The following ZNRF1 variants were observed in gnomAD, a reference collection of about 807,000 sequenced individuals.
ZNRF1 encodes the protein zinc and ring finger 1.
A neutral mutation model predicts 18.4 loss-of-function variants in ZNRF1; 3 were observed. The observed-to-expected ratio is 0.16, with a 90% CI of 0.07 to 0.42. The LOEUF is 0.42. ZNRF1 is among the 10% of genes least tolerant of loss of function. The pLI is 0.99. For missense variants in ZNRF1, 310 were observed against 329.8 expected (o/e 0.94, Z 0.47); for synonymous variants, 157 against 144.2 (o/e 1.09, Z -0.64).
intron 3 of ZNRF1, chr16:75,105,754 T>G (rs1263018950): frequency 6.6e-6 from 1 of 152,218 alleles, no homozygotes; most frequent in African/African-American, 2.4e-5. Flanking sequence ...ATTATGCCAA[T>G]TATCTGTCTG....
intron 1 of ZNRF1, among the ~76,000 whole-genome samples, chr16:75,033,776 A>G (rs993375167): frequency 1.3e-5 from 2 of 152,134 alleles, no homozygotes; most frequent in African/African-American, 4.8e-5. Context: ...ATTTTAAAAT[A>G]TTTACCTCTG....
intron 2 of ZNRF1, among the ~76,000 whole-genome samples, chr16:75,102,669 G>A (rs1176766306): frequency 6.6e-6 from 1 of 152,154 alleles, no homozygotes; most frequent in East Asian, 1.9e-4. Context: ...TCCCTGGACT[G>A]CCTCTTTATC....
chr16:75,108,951 C>A lies in ZNRF1; in HGVS notation c.*1251C>A. 1 of 180,782 alleles carries A rather than the reference C, an allele frequency of 5.5e-6. No homozygotes were observed. The highest frequency in any genetic ancestry group is 1.1e-5 in the Non-Finnish European group (1 of 87,576). 11.2% of individuals were successfully genotyped at this position (180,782 alleles called of 1,614,324 possible). On this transcript the variant is annotated 3_prime_UTR_variant, in exon 5 of 5. Coordinates refer to ENST00000335325, the MANE Select transcript of ZNRF1 (RefSeq NM_032268.5). ...GGAACCAGTCAGCCCTCTGTGGAGT[C>A]ATTGTGCTGGACCTCTGAAAAGATC...
At chr16:75,000,167 A>C (rs1331912549) in intron 1 of ZNRF1, 72 bp downstream of exon 1, 2 of 1,546,486 alleles carry the variant, frequency 1.3e-6, no homozygotes, top group Non-Finnish European at 1.7e-6. Flanking sequence ...CGTGCGTGCC[A>C]AGGTTTGGGA....
intron 2 of ZNRF1, among the ~76,000 whole-genome samples, chr16:75,103,529 G>A (rs1340144025): frequency 2.0e-5 from 3 of 152,154 alleles, no homozygotes; most frequent in East Asian, 3.9e-4. Flanking sequence ...GGGGAGTGGT[G>A]GATTAATGGG....
At chr16:75,093,745 C>A (rs139747344) in intron 2 of ZNRF1, 78 bp downstream of exon 2, 6 of 1,205,586 alleles carry the variant, frequency 5.0e-6, no homozygotes, top group South Asian at 3.7e-5. Context: ...AGCCTCCAGT[C>A]GAGGGTGGTT....
At chr16:75,016,401 A>G (rs1044916456) in intron 1 of ZNRF1, among the ~76,000 whole-genome samples, 15 of 147,204 alleles carry the variant, frequency 1.0e-4, no homozygotes, top group Non-Finnish European at 1.8e-4. Flanking sequence ...ACCACACCCT[A>G]CTAATTTTCT....
chr16:75,031,708 C>T (rs2035306825), intron 1 of ZNRF1, among the ~76,000 whole-genome samples: 1 of 151,970 alleles, frequency 6.6e-6, no homozygotes, highest in Admixed American at 6.6e-5. Flanking sequence ...GGGCATGTTG[C>T]CCAGGCTGTT....
chr16:75,101,634 C>A (rs542490837), intron 2 of ZNRF1, among the ~76,000 whole-genome samples: 115 of 152,312 alleles, frequency 7.6e-4, no homozygotes, highest in African/African-American at 2.6e-3. Context: ...CATCCACCAA[C>A]CCATCTTATC....
At chr16:75,007,822 A>G (rs940405046) in intron 1 of ZNRF1, among the ~76,000 whole-genome samples, 1 of 152,114 alleles carries the variant, frequency 6.6e-6, no homozygotes, top group Non-Finnish European at 1.5e-5. Flanking sequence ...TAAACTTTGA[A>G]TCCTTTTTTG....
At chr16:75,049,777 T>C (rs1367424715) in intron 1 of ZNRF1, among the ~76,000 whole-genome samples, 2 of 152,094 alleles carry the variant, frequency 1.3e-5, no homozygotes, top group Non-Finnish European at 2.9e-5. Flanking sequence ...AATGAGGCAA[T>C]TGGCATGGGT....
At chr16:75,103,703 C>T (rs552120735) in intron 2 of ZNRF1, among the ~76,000 whole-genome samples, 3 of 152,108 alleles carry the variant, frequency 2.0e-5, no homozygotes, top group Admixed American at 6.5e-5. Flanking sequence ...GGGGAAAAAA[C>T]GGGTCAGGCG....
chr16:75,104,852 A>G lies in ZNRF1; in HGVS notation c.589A>G (p.Ile197Val). ...GGAGGAGCTGCTGCAGGGGGACACG[A>G]TAGCCAGGCTGCCCTGCCTGTGCAT... is the stretch of plus-strand genomic sequence containing the variant. ...CLEELLQGDTIARLPCLCIYH... is the reference protein window; with the variant it reads ...CLEELLQGDTVARLPCLCIYH... Residue 197 changes from isoleucine (I) to valine (V), a missense_variant, in exon 3 of 5, where the codon ATA (isoleucine) becomes GTA (valine). Transcript: ENST00000335325. The G allele has an allele frequency of 6.2e-7, 1 of 1,610,084 alleles. No individual in the cohort carries two copies. Among genetic ancestry groups the G allele is most frequent in the Non-Finnish European group, 8.5e-7 (1 of 1,178,782 alleles).
intron 1 of ZNRF1, among the ~76,000 whole-genome samples, chr16:75,005,408 C>T (rs2034904773): frequency 6.6e-6 from 1 of 152,140 alleles, no homozygotes; most frequent in Non-Finnish European, 1.5e-5. Context: ...TAAACAAAGA[C>T]CCACCTCAAT....
At chr16:75,018,037 G>A (rs1442188753) in intron 1 of ZNRF1, among the ~76,000 whole-genome samples, 1 of 152,160 alleles carries the variant, frequency 6.6e-6, no homozygotes, top group African/African-American at 2.4e-5. Flanking sequence ...CTAAAGTGAA[G>A]CTAACAATAA....
chr16:75,065,847 A>C (rs1451461227), intron 1 of ZNRF1, among the ~76,000 whole-genome samples: 1 of 152,162 alleles, frequency 6.6e-6, no homozygotes, highest in Non-Finnish European at 1.5e-5. Context: ...ACCAATTATT[A>C]GCCAGATCAC....
intron 1 of ZNRF1, among the ~76,000 whole-genome samples, chr16:75,035,325 C>T (rs2035363914): frequency 6.6e-6 from 1 of 152,224 alleles, no homozygotes; most frequent in East Asian, 1.9e-4. Context: ...TGAGCCGCTG[C>T]ACTGGGCCTT....
chr16:75,021,007 C>T (rs543363567), intron 1 of ZNRF1, among the ~76,000 whole-genome samples: 1 of 152,124 alleles, frequency 6.6e-6, no homozygotes, highest in Non-Finnish European at 1.5e-5. Context: ...TTACACATTG[C>T]TGTGGATCGG....
At chr16:75,037,341 T>C (rs979514135) in intron 1 of ZNRF1, among the ~76,000 whole-genome samples, 6 of 151,976 alleles carry the variant, frequency 3.9e-5, no homozygotes, top group Non-Finnish European at 8.8e-5. Flanking sequence ...TCTTTTGTTT[T>C]TTTGTTTTGT....
Sources: allele counts gnomAD v4.1 joint callset (sites outside exome capture counted in the v4.1 genomes callset), GRCh38; gene constraint gnomAD v4.1.1; transcripts MANE v1.5; gene names NCBI Gene and HGNC (gene_info 2026-07-23, HGNC 2026-07-21).